Variants in CHD9 observed in about 807,000 individuals in gnomAD.
CHD9 encodes chromodomain helicase DNA binding protein 9, also known as ATP-dependent chromatin remodeler CHD9.
A neutral mutation model predicts 316.1 loss-of-function variants in CHD9; 77 were observed. The ratio of observed to expected loss-of-function variants is 0.24; its 90% CI spans 0.20 to 0.29. The LOEUF (loss-of-function observed/expected upper bound fraction) is 0.29, where lower values mean the gene tolerates loss of function less well. Ranked by LOEUF, CHD9 falls within the 10% of genes least tolerant of loss-of-function variation. The pLI, the probability that CHD9 is intolerant of heterozygous loss-of-function variation, is 1.00. For synonymous variants in CHD9, 1,129 were observed against 1,158.3 expected, an observed-to-expected ratio of 0.97 and a Z score of 0.51; for missense variants, 2,763 against 3,438.1, an observed-to-expected ratio of 0.80 and a Z score of 4.91.
intron 2 of CHD9, among the ~76,000 whole-genome samples, chr16:53,204,148 GTA>G (rs1037311512): frequency 1.4e-5 from 2 of 145,438 alleles, no homozygotes; most frequent in African/African-American, 5.2e-5. Context: ...GTGTGTGTGT[GTA>G]TAACCTTCAC....
chr16:53,058,806 T>C (rs575340092), intron 1 of CHD9, among the ~76,000 whole-genome samples: 35 of 152,322 alleles, frequency 2.3e-4, no homozygotes, highest in Admixed American at 2.2e-3. Context: ...TAATCTAATG[T>C]TGACCAGACA....
At chr16:53,273,894 C>A in intron 23 of CHD9, 109 bp downstream of exon 23, 1 of 978,700 alleles carries the variant, frequency 1.0e-6, no homozygotes, top group Non-Finnish European at 1.5e-6. Context: ...TGGTCTAGGG[C>A]CAATCCTAAT....
chr16:53,069,285 T>G (rs1407601814), intron 1 of CHD9, among the ~76,000 whole-genome samples: 2 of 152,198 alleles, frequency 1.3e-5, no homozygotes, highest in Non-Finnish European at 2.9e-5. Flanking sequence ...ACTACAGGCA[T>G]GAGCCACCGC....
Position 53,304,555 on chromosome 16 carries a change from T to TTCC in CHD9, c.6564_6566dup (p.Ser2193dup), listed in dbSNP as rs748852783. On this transcript the variant is annotated inframe_insertion, in exon 31 of 39. Transcript: ENST00000447540. Reference sequence around the variant, plus strand: ...CTTCTTCATCCTCTTCCTCCACCTCTTCCTCCTCCTCCTCCTCTTCATCTT... The same window carrying TTCC: ...CTTCTTCATCCTCTTCCTCCACCTCTTCCTCCTCCTCCTCCTCCTCTTCATCTT... 2.6e-6 allele frequency: 4 copies of TTCC among 1,540,706 alleles called. No homozygotes were observed. The highest frequency in any genetic ancestry group is 1.7e-4 in the Middle Eastern group (1 of 5,980).
At chr16:53,240,797 T>C (rs1229804773) in intron 12 of CHD9, among the ~76,000 whole-genome samples, 1 of 152,142 alleles carries the variant, frequency 6.6e-6, no homozygotes, top group Non-Finnish European at 1.5e-5. Flanking sequence ...ACAGTTTACA[T>C]ATATTATTTC....
chr16:53,268,605 A>G (rs998643705), intron 22 of CHD9, among the ~76,000 whole-genome samples: 2 of 152,206 alleles, frequency 1.3e-5, no homozygotes, highest in African/African-American at 4.8e-5. Context: ...TATAGCTTAT[A>G]TACATCTTTA....
intron 1 of CHD9, chr16:53,121,577 C>A: frequency 2.8e-6 from 1 of 358,180 alleles, no homozygotes; most frequent in Non-Finnish European, 5.5e-6. Context: ...ATTAAGTGGG[C>A]CTACAAGTGA....
rs2041627431 is a variant in CHD9, at chr16:53,157,830, AAAC to A, written c.1452+293_1452+295del. On this transcript the variant is annotated intron_variant, in intron 2 of 38. Coordinates refer to ENST00000447540, the MANE Select transcript of CHD9 (RefSeq NM_001308319.2). The stretch of plus-strand genomic sequence containing the variant: ...CTTTGAGAGAAAGTTATTTTATCAA[AAAC>A]AACTTAATAATCATAATTAAAAGGG... Among the ~76,000 whole-genome samples the A allele has an allele frequency of 7.2e-5, 11 of 152,310 alleles. No individual in the cohort carries two copies. In the South Asian group the frequency reaches 2.3e-3, roughly 32 times the overall value.
At chr16:53,116,220 C>T (rs1047857766) in intron 1 of CHD9, among the ~76,000 whole-genome samples, 8 of 152,140 alleles carry the variant, frequency 5.3e-5, no homozygotes, top group Non-Finnish European at 1.0e-4. Context: ...CCACTACATC[C>T]GGCTAATTTT....
At chr16:53,117,407 A>AATATATATAT (rs35017419) in intron 1 of CHD9, among the ~76,000 whole-genome samples, 13 of 148,638 alleles carry the variant, frequency 8.7e-5, no homozygotes, top group African/African-American at 2.7e-4. Flanking sequence ...TCTCTGACGT[A>AATATATATAT]ATATATATAT....
chr16:53,116,301 C>A (rs2038299446), intron 1 of CHD9, among the ~76,000 whole-genome samples: 1 of 152,212 alleles, frequency 6.6e-6, no homozygotes, highest in Non-Finnish European at 1.5e-5. Context: ...CTAAAGTGAT[C>A]TCCCCACCTT....
intron 38 of CHD9, 118 bp downstream of exon 38, chr16:53,321,748 G>T: frequency 1.6e-6 from 1 of 628,762 alleles, no homozygotes; most frequent in Non-Finnish European, 2.4e-6. Flanking sequence ...GCATTTTTCA[G>T]TTTGCAATTT....
At chr16:53,249,813 A>G in intron 16 of CHD9, 58 bp from the exon 17 acceptor site, 1 of 1,325,594 alleles carries the variant, frequency 7.5e-7, no homozygotes, top group Admixed American at 1.7e-5. Context: ...ATTTGATAGA[A>G]TATGTCTTCA....
chr16:53,196,483 C>T (rs888577867), intron 2 of CHD9, among the ~76,000 whole-genome samples: 3 of 152,184 alleles, frequency 2.0e-5, no homozygotes, highest in Admixed American at 6.5e-5. Context: ...AAGAGTTTTA[C>T]AAGAGCATGG....
Position 53,247,375 on chromosome 16 carries a change from G to A in CHD9, c.3537G>A (p.Gln1179=). Residue 1179 remains glutamine, a synonymous_variant, in exon 16 of 39, where the codon CAG becomes CAA. Coordinates refer to ENST00000447540, the MANE Select transcript of CHD9 (RefSeq NM_001308319.2). ...ATTTTCATCTTCAAGCAATGATCCA[G>A]TCTGCTGGTAAATTGGTCCTTATTG... ...ASDFHLQAMI[Q]SAGKLVLIDK... 1.9e-6 allele frequency: 3 copies of A among 1,608,220 alleles called. No homozygotes were observed. The highest frequency in any genetic ancestry group is 1.7e-6 in the Non-Finnish European group (2 of 1,176,766).
At chr16:53,179,859 T>C (rs2043358378) in intron 2 of CHD9, among the ~76,000 whole-genome samples, 1 of 150,716 alleles carries the variant, frequency 6.6e-6, no homozygotes, top group Non-Finnish European at 1.5e-5. Context: ...ATGACACCAC[T>C]GTACCCTACC....
intron 1 of CHD9, among the ~76,000 whole-genome samples, chr16:53,124,395 G>A (rs2038877937): frequency 6.6e-6 from 1 of 151,830 alleles, no homozygotes; most frequent in South Asian, 2.1e-4. Flanking sequence ...ATCTTACATG[G>A]TGGCAGGCGA....
At chr16:53,115,796 C>T (rs1034563356) in intron 1 of CHD9, among the ~76,000 whole-genome samples, 1 of 152,092 alleles carries the variant, frequency 6.6e-6, no homozygotes, top group Non-Finnish European at 1.5e-5. Flanking sequence ...AATATATAAA[C>T]AGGACTGCGG....
At chr16:53,250,690 AT>A (rs1402754495) in intron 17 of CHD9, 1 of 152,230 alleles carries the variant, frequency 6.6e-6, no homozygotes, top group Non-Finnish European at 1.5e-5. Context: ...ACATAGAAAT[AT>A]AGGAATATTA....
Sources: gnomAD v4.1 joint callset for allele counts (sites outside exome capture counted in the v4.1 genomes callset) on GRCh38, gnomAD v4.1.1 for gene constraint, MANE v1.5 for transcripts, NCBI Gene and HGNC (gene_info 2026-07-23, HGNC 2026-07-21) for gene names.